The following MS4A4E variants were observed in gnomAD, a reference collection of about 807,000 sequenced individuals.
MS4A4E encodes putative membrane-spanning 4-domains subfamily A member 4E.
A neutral mutation model predicts 13.3 loss-of-function variants in MS4A4E; 23 were observed. That is an observed-to-expected ratio of 1.73 (90% CI 1.25 to 2.45). The LOEUF is 2.45. Ranked by LOEUF, MS4A4E falls within the 30% of genes most tolerant of loss-of-function variation. The pLI is 0.00. For missense variants in MS4A4E, 144 were observed against 131.2 expected (o/e 1.10, Z -0.48); for synonymous variants, 36 against 45.6 (o/e 0.79, Z 0.85).
rs1400311498 is a variant in MS4A4E, at chr11:60,201,349, C to G, written c.*194G>C. 2.2e-5 allele frequency: 4 copies of G among 179,552 alleles called. No homozygotes were observed. The South Asian group carries it at 4.1e-4, about 18-fold the overall frequency. 11.1% of individuals were successfully genotyped at this position (179,552 alleles called of 1,614,324 possible). ...GCCTGGCGGAGACGCTCCTCACTTC[C>G]CAGACGGGGTGGCTGCCGGGCGGAG... On this transcript the variant is annotated 3_prime_UTR_variant, in exon 9 of 9. Coordinates refer to ENST00000651255, the MANE Select transcript of MS4A4E (RefSeq NM_001393391.1).
intron 3 of MS4A4E, among the ~76,000 whole-genome samples, chr11:60,222,491 G>T (rs563324120): frequency 6.6e-6 from 1 of 152,142 alleles, no homozygotes; most frequent in African/African-American, 2.4e-5. Context: ...TCAGGGCTGG[G>T]GCAATGTTCT....
intron 3 of MS4A4E, among the ~76,000 whole-genome samples, chr11:60,215,340 A>G (rs1352665557): frequency 6.6e-6 from 1 of 151,958 alleles, no homozygotes; most frequent in Non-Finnish European, 1.5e-5. Flanking sequence ...CAAATCATCC[A>G]TCATGTAACA....
intron 3 of MS4A4E, among the ~76,000 whole-genome samples, chr11:60,223,326 T>G (rs2084296997): frequency 6.6e-6 from 1 of 152,232 alleles, no homozygotes; most frequent in Non-Finnish European, 1.5e-5. Context: ...ATTTAAGTGT[T>G]GTTAACTTTA....
intron 1 of MS4A4E, 34 bp downstream of exon 1, chr11:60,242,924 C>G: frequency 6.7e-7 from 1 of 1,501,292 alleles, no homozygotes; most frequent in Non-Finnish European, 9.2e-7. Context: ...AACTATCAGT[C>G]CGAGAGCCTA....
Position 60,201,330 on chromosome 11 carries a change from C to T in MS4A4E, c.*213G>A, listed in dbSNP as rs1398982466. On this transcript the variant is annotated 3_prime_UTR_variant, in exon 9 of 9. Coordinates refer to ENST00000651255, the MANE Select transcript of MS4A4E (RefSeq NM_001393391.1). ...CCTCCCGGACGGGGTGGCTGCCTGG[C>T]GGAGACGCTCCTCACTTCCCAGACG... is the stretch of plus-strand genomic sequence containing the variant. The T allele has an allele frequency of 8.3e-5, 14 of 168,862 alleles. No homozygotes were observed. The highest frequency in any genetic ancestry group is 2.5e-4 in the South Asian group (2 of 7,994). The allele number at this position is 168,862 out of a possible 1,614,324, so 10.5% of individuals were successfully genotyped here.
intron 2 of MS4A4E, 102 bp downstream of exon 2, chr11:60,229,810 G>C: frequency 8.6e-7 from 1 of 1,160,694 alleles, no homozygotes; most frequent in African/African-American, 1.6e-5. Flanking sequence ...AGGGCTGGTT[G>C]ATGTATTATG....
At position 60,201,872 on chromosome 11, in the gene MS4A4E, G is replaced by A. The variant is rs545431642; in HGVS notation, c.667C>T (p.Arg223Ter). Residue 223 changes from arginine (R) to a stop codon, truncating the protein, a stop_gained, in exon 9 of 9, where the codon CGA (arginine) becomes TGA (stop). Transcript: ENST00000651255. LOFTEE classifies it high-confidence loss of function. The part of the protein sequence containing the change: ...SSWLRIESIY[R>*]VLNGAQAGVQ... ...CCAGCCTGGGCACCATTGAGCACTCGATAAATACTTTTTTAAAAAATAAAT... is the reference window on the plus strand; with the variant it reads ...CCAGCCTGGGCACCATTGAGCACTCAATAAATACTTTTTTAAAAAATAAAT... The A allele has an allele frequency of 2.3e-4, 41 of 179,284 alleles. No homozygotes were observed. The highest frequency in any genetic ancestry group is 4.0e-4 in the Non-Finnish European group (33 of 83,516). The allele number at this position is 179,284 out of a possible 1,614,324, so 11.1% of individuals were successfully genotyped here.
intron 1 of MS4A4E, among the ~76,000 whole-genome samples, chr11:60,231,559 G>T (rs879907654): frequency 6.6e-6 from 1 of 152,060 alleles, no homozygotes; most frequent in Non-Finnish European, 1.5e-5. Context: ...GATAAATTTG[G>T]GGGAAAATGT....
At chr11:60,214,453 A>C (rs1274496087) in intron 4 of MS4A4E, 118 bp downstream of exon 4, 1 of 569,596 alleles carries the variant, frequency 1.8e-6, no homozygotes, top group African/African-American at 1.9e-5. Flanking sequence ...GCTAAGTAAA[A>C]TGCATAGTTG....
chr11:60,207,232 G>A (rs2084059676), intron 6 of MS4A4E, among the ~76,000 whole-genome samples: 1 of 152,112 alleles, frequency 6.6e-6, no homozygotes. Flanking sequence ...AGGGCACGGT[G>A]GGGGACCAGG....
At chr11:60,216,684 A>T (rs978015075) in intron 3 of MS4A4E, among the ~76,000 whole-genome samples, 1 of 151,902 alleles carries the variant, frequency 6.6e-6, no homozygotes, top group Non-Finnish European at 1.5e-5. Flanking sequence ...GCTGTCTGTT[A>T]TGGTTAATAT....
intron 1 of MS4A4E, among the ~76,000 whole-genome samples, chr11:60,233,630 A>G (rs1295877087): frequency 6.6e-6 from 1 of 152,222 alleles, no homozygotes; most frequent in Non-Finnish European, 1.5e-5. Flanking sequence ...GGTGGAATCC[A>G]TGTGTACAGG....
At chr11:60,204,671 T>C (rs908638458) in intron 8 of MS4A4E, among the ~76,000 whole-genome samples, 1 of 152,192 alleles carries the variant, frequency 6.6e-6, no homozygotes. Flanking sequence ...AGCATTCATT[T>C]CATTTCCATT....
chr11:60,209,574 G>T (rs547730817), intron 5 of MS4A4E, among the ~76,000 whole-genome samples: 58 of 152,306 alleles, frequency 3.8e-4, no homozygotes, highest in South Asian at 6.2e-4. Context: ...ATGATTTGTA[G>T]TAATTTGTTA....
chr11:60,203,579 T>C (rs1225079825), intron 8 of MS4A4E, among the ~76,000 whole-genome samples: 2 of 152,038 alleles, frequency 1.3e-5, no homozygotes, highest in Non-Finnish European at 2.9e-5. Flanking sequence ...CGAAACCTTG[T>C]CTCTACAAAA....
chr11:60,237,995 T>C (rs2084505534), intron 1 of MS4A4E, among the ~76,000 whole-genome samples: 1 of 151,982 alleles, frequency 6.6e-6, no homozygotes, highest in Non-Finnish European at 1.5e-5. Flanking sequence ...CACTGATTTT[T>C]TGAATGCTAA....
At chr11:60,225,361 A>T (rs527568006) in intron 3 of MS4A4E, among the ~76,000 whole-genome samples, 62 of 152,278 alleles carry the variant, frequency 4.1e-4, no homozygotes, top group African/African-American at 1.5e-3. Context: ...GATACCTAGG[A>T]TGCTACTTCT....
At chr11:60,209,526 G>A (rs992488153) in intron 5 of MS4A4E, among the ~76,000 whole-genome samples, 24 of 152,176 alleles carry the variant, frequency 1.6e-4, no homozygotes, top group African/African-American at 4.6e-4. Context: ...AAACTGTATT[G>A]TCTTGAGACA....
At chr11:60,211,593 T>G (rs1017679614) in intron 5 of MS4A4E, among the ~76,000 whole-genome samples, 1 of 152,104 alleles carries the variant, frequency 6.6e-6, no homozygotes, top group Non-Finnish European at 1.5e-5. Flanking sequence ...TTTGGTGGTG[T>G]TGAAAATGAC....
Sources: allele counts gnomAD v4.1 joint callset (sites outside exome capture counted in the v4.1 genomes callset), GRCh38; gene constraint gnomAD v4.1.1; transcripts MANE v1.5; gene names NCBI Gene and HGNC (gene_info 2026-07-23, HGNC 2026-07-21).